Variants in CLIC2 observed in about 807,000 individuals in gnomAD.
The protein encoded by CLIC2 is chloride intracellular channel protein 2.
In CLIC2, 9 loss-of-function variants were observed where a neutral mutation model predicts 14.8. That is an observed-to-expected ratio of 0.61 (90% CI 0.37 to 1.06). The LOEUF is 1.06. Ranked by LOEUF, CLIC2 falls within the 50% of genes least tolerant of loss-of-function variation. The pLI, the probability that CLIC2 is intolerant of heterozygous loss-of-function variation, is 0.01. For missense variants in CLIC2, 148 were observed against 181.4 expected, an observed-to-expected ratio of 0.82 and a Z score of 1.06; for synonymous variants, 61 against 66.3, an observed-to-expected ratio of 0.92 and a Z score of 0.39.
chrX:155,304,909 G>A (rs1181899936), intron 1 of CLIC2, among the ~76,000 whole-genome samples: 2 of 102,108 alleles, frequency 2.0e-5, no homozygotes, highest in Non-Finnish European at 2.0e-5. Context: ...AGGGGTCAGG[G>A]ACCCACTTGA....
intron 4 of CLIC2, 23 bp from the exon 5 acceptor site, chrX:155,279,353 T>C: frequency 3.5e-6 from 4 of 1,129,158 alleles, no homozygotes; most frequent in Non-Finnish European, 4.9e-6. Context: ...AGTAATAGAG[T>C]TACTTGTAAA....
intron 1 of CLIC2, among the ~76,000 whole-genome samples, chrX:155,326,086 C>A (rs146833575): frequency 9.2e-6 from 1 of 108,316 alleles, no homozygotes; most frequent in Non-Finnish European, 1.9e-5. Context: ...GCTTGGGTGA[C>A]GGATGCACCA....
intron 1 of CLIC2, among the ~76,000 whole-genome samples, chrX:155,302,925 T>C (rs1602944991): frequency 1.1e-5 from 1 of 89,415 alleles, no homozygotes; most frequent in South Asian, 6.9e-4. Flanking sequence ...TCTAGTTTGA[T>C]TGCACTGTGG....
chrX:155,281,849 GAGCCCAAGTGCTCATAGT>G (rs1557316528), intron 3 of CLIC2, among the ~76,000 whole-genome samples: 5 of 111,047 alleles, frequency 4.5e-5, no homozygotes, highest in Non-Finnish European at 9.4e-5. Flanking sequence ...CTCAGAGTTA[GAGCCCAAGTGCTCATAGT>G]GGTCTACAAG....
chrX:155,320,642 G>A (rs2075110914), intron 1 of CLIC2, among the ~76,000 whole-genome samples: 1 of 111,779 alleles, frequency 8.9e-6, no homozygotes, highest in South Asian at 3.8e-4. Context: ...CCAAAAACCA[G>A]AATGCCTCTT....
chrX:155,279,164 C>T lies in CLIC2; in HGVS notation c.567G>A (p.Lys189=), dbSNP rs1569561172. The part of the protein sequence containing the change: ...LTLADCSLLP[K]LNIIKVAAKK... ...AAAGACTTACTTTAATAATGTTCAG[C>T]TTGGGTAACAAGCTACAATCAGCCA... The change falls in exon 5 of 6, where the codon AAG becomes AAA. Residue 189 remains lysine, a synonymous_variant. Coordinates refer to ENST00000369449, the MANE Select transcript of CLIC2 (RefSeq NM_001289.6). 1 of 1,210,855 alleles carries T rather than the reference C, an allele frequency of 8.3e-7. No individual in the cohort carries two copies. The highest frequency in any genetic ancestry group is 1.1e-6 in the Non-Finnish European group (1 of 894,866).
intron 1 of CLIC2, among the ~76,000 whole-genome samples, chrX:155,307,532 T>C (rs192046465): frequency 8.9e-6 from 1 of 111,877 alleles, no homozygotes; most frequent in Non-Finnish European, 1.9e-5. Flanking sequence ...CTTGTATCTA[T>C]AACATATAAA....
intron 3 of CLIC2, among the ~76,000 whole-genome samples, chrX:155,285,084 G>A (rs1278126624): frequency 1.8e-5 from 2 of 112,276 alleles, no homozygotes; most frequent in African/African-American, 6.5e-5. Flanking sequence ...CCATTAATGT[G>A]GGTGTTTACA....
intron 3 of CLIC2, among the ~76,000 whole-genome samples, chrX:155,281,997 T>G (rs2074921491): frequency 9.0e-6 from 1 of 110,966 alleles, no homozygotes; most frequent in Non-Finnish European, 1.9e-5. Flanking sequence ...AGTCACAGCC[T>G]AACTCATTAC....
chrX:155,283,309 A>G (rs1290477379), intron 3 of CLIC2, among the ~76,000 whole-genome samples: 1 of 112,202 alleles, frequency 8.9e-6, no homozygotes, highest in Non-Finnish European at 1.9e-5. Flanking sequence ...TATTGAGTAC[A>G]ATGTCAGCTG....
rs782377707 is a variant in CLIC2, at chrX:155,304,917, T to G, written c.58-5772A>C. Among the ~76,000 whole-genome samples, 232 of 103,440 alleles carry G rather than the reference T, an allele frequency of 2.2e-3. 1 individual carries two copies. The highest frequency in any genetic ancestry group is 7.5e-3 in the African/African-American group (217 of 28,926). The allele number at this position is 103,440 out of a possible 115,157, so 89.8% of individuals were successfully genotyped here. A position where few individuals can be genotyped will look rare whatever the true frequency, so the allele number is the denominator to read the frequency against. On this transcript the variant is annotated intron_variant, in intron 1 of 5. Coordinates refer to ENST00000369449, the MANE Select transcript of CLIC2 (RefSeq NM_001289.6). ...GGGGGTCAGGGGTCAGGGACCCACT[T>G]GAGGAGGCAGTCTGCCCGTTCTCAG... is the stretch of plus-strand genomic sequence containing the variant.
chrX:155,331,459 TTTTC>T (rs1480269159), intron 1 of CLIC2, among the ~76,000 whole-genome samples: 1 of 111,951 alleles, frequency 8.9e-6, no homozygotes, highest in East Asian at 2.8e-4. Context: ...AAAACAATTT[TTTTC>T]TTTGTGTTTG....
intron 5 of CLIC2, among the ~76,000 whole-genome samples, 167 bp from the exon 6 acceptor site, chrX:155,278,231 T>C (rs1557316012): frequency 8.9e-6 from 1 of 112,277 alleles, no homozygotes; most frequent in African/African-American, 3.2e-5. Context: ...TGATGTTTTG[T>C]CTACAAATGT....
chrX:155,286,615 C>T (rs1445408359), intron 3 of CLIC2, among the ~76,000 whole-genome samples: 1 of 112,391 alleles, frequency 8.9e-6, no homozygotes, highest in African/African-American at 3.2e-5. Context: ...TAAGTGTTTG[C>T]TTTTCTCCAC....
chrX:155,305,393 T>C (rs1273857180), intron 1 of CLIC2, among the ~76,000 whole-genome samples: 1 of 112,811 alleles, frequency 8.9e-6, no homozygotes, highest in Non-Finnish European at 1.9e-5. Context: ...CCTGACCCCT[T>C]GCTCTTCCCA....
At position 155,292,589 on chromosome X, in the gene CLIC2, T is replaced by G. The variant is rs1189986442; in HGVS notation, c.293+6196A>C. On this transcript the variant is annotated intron_variant, in intron 3 of 5. Coordinates refer to ENST00000369449, the MANE Select transcript of CLIC2 (RefSeq NM_001289.6). ...ATCGAGACCATCCTGGCTAACACGG[T>G]GAAACCCCGTCTCTACTAAAAATAC... 3 of 345,666 alleles carry G rather than the reference T, an allele frequency of 8.7e-6. No individual in the cohort carries two copies. In the East Asian group the frequency reaches 1.5e-4, roughly 17 times the overall value. 28.5% of individuals were successfully genotyped at this position (345,666 alleles called of 1,213,427 possible).
chrX:155,303,035 G>A (rs1274326588), intron 1 of CLIC2, among the ~76,000 whole-genome samples: 1 of 88,798 alleles, frequency 1.1e-5, no homozygotes, highest in African/African-American at 3.9e-5. Context: ...GTGGTGTGGT[G>A]CTGAAAAAAA....
chrX:155,290,726 ATTTG>A (rs1311290727), intron 3 of CLIC2: 6 of 738,932 alleles, frequency 8.1e-6, no homozygotes, highest in Non-Finnish European at 1.1e-5. Flanking sequence ...TTAGTTCTGT[ATTTG>A]TTGTGTTGGC....
At position 155,278,112 on chromosome X, in the gene CLIC2, C is replaced by G. The variant is rs371924307; in HGVS notation, c.583-48G>C. On this transcript the variant is annotated intron_variant, in intron 5 of 5. Coordinates refer to ENST00000369449, the MANE Select transcript of CLIC2 (RefSeq NM_001289.6). ...GGAAAAAGAAGGCATCAGTAATATG[C>G]CTACTATGTAGAAATGTTTCTTAGA... The G allele has an allele frequency of 3.7e-5, 39 of 1,046,134 alleles. No homozygotes were observed. In the African/African-American group the frequency reaches 6.9e-4, roughly 18 times the overall value. The allele number at this position is 1,046,134 out of a possible 1,213,427, so 86.2% of individuals were successfully genotyped here.
Sources: allele counts gnomAD v4.1 joint callset (sites outside exome capture counted in the v4.1 genomes callset), GRCh38; gene constraint gnomAD v4.1.1; transcripts MANE v1.5; gene names NCBI Gene and HGNC (gene_info 2026-07-23, HGNC 2026-07-21).